Variants in FASN observed in about 807,000 individuals in gnomAD.
FASN encodes fatty acid synthase.
In FASN, 50 loss-of-function variants were observed where a neutral mutation model predicts 250.0. That is an observed-to-expected ratio of 0.20 (90% confidence interval 0.16 to 0.25). The LOEUF (loss-of-function observed/expected upper bound fraction) is 0.25. Among genes scored for constraint, FASN ranks in the 10% least tolerant of loss-of-function variants. The pLI, the probability that FASN is intolerant of heterozygous loss-of-function variation, is 1.00. For synonymous variants in FASN, 1,909 were observed against 1,584.0 expected (o/e 1.21, Z -4.87); for missense variants, 3,031 against 3,498.5 (o/e 0.87, Z 3.37).
In FASN at chr17:82,084,036, G is replaced by A. The variant is rs45616934; in HGVS notation, c.5037C>T (p.Gly1679=). The A allele has an allele frequency of 3.0e-5, 47 of 1,541,254 alleles. No individual in the cohort carries two copies. Among genetic ancestry groups the A allele is most frequent in the African/African-American group, 3.0e-4 (22 of 73,104 alleles). The change falls in exon 29 of 43, where the codon GGC becomes GGT. Residue 1679 remains glycine, a synonymous_variant. Transcript: ENST00000306749. ...ETLLIHSGSG[G]VGQAAIAIAL... is the part of the protein sequence containing the mutation. ...CGATGGCGATGGCGGCCTGGCCCAC[G>A]CCGCCCGAGCCCGAGTGGATGAGCA... is the stretch of plus-strand genomic sequence containing the variant.
chr17:82,081,710 C>G lies in FASN; in HGVS notation c.6297G>C (p.Leu2099=), dbSNP rs1455254433. Residue 2099 remains leucine (L), a synonymous_variant, in exon 37 of 43, where the codon CTG becomes CTC. Coordinates refer to ENST00000306749, the MANE Select transcript of FASN (RefSeq NM_004104.5). The part of the protein sequence containing the change: ...ASCLEVLDLF[L]NQPHMVLSSF... ...TGCTCAGGACCATGTGGGGCTGGTT[C>G]AGGAAGAGGTCCAGCACCTCCAGGC... 13 of 1,612,740 alleles carry G rather than the reference C, an allele frequency of 8.1e-6. No homozygotes were observed. Among genetic ancestry groups the G allele is most frequent in the Non-Finnish European group, 1.1e-5 (13 of 1,180,004 alleles).
intron 11 of FASN, 62 bp downstream of exon 11, chr17:82,090,313 C>A (rs1267854238): frequency 6.7e-7 from 1 of 1,489,784 alleles, no homozygotes. Flanking sequence ...CAGGTGAGGA[C>A]CCCACAGCGA....
chr17:82,085,278 G>A lies in FASN; in HGVS notation c.4247C>T (p.Pro1416Leu), dbSNP rs779790320. ...PTPQDSPIFL[P>L]VDDTSFRWVE... ...CCAGCGGAAGCTGGTATCGTCCACC[G>A]GCAGGAAGATGGGGCTGTCCTGCGG... The change falls in exon 24 of 43, where the codon CCG becomes CTG. Residue 1416 changes from proline (P) to leucine (L), a missense_variant. Transcript: ENST00000306749. The A allele has an allele frequency of 5.0e-6, 8 of 1,611,436 alleles. No individual in the cohort carries two copies. Among genetic ancestry groups the A allele is most frequent in the East Asian group, 4.5e-5 (2 of 44,840 alleles).
chr17:82,080,095 C>A (rs770892859), intron 41 of FASN, 45 bp downstream of exon 41: 1 of 1,582,582 alleles, frequency 6.3e-7, no homozygotes, highest in Non-Finnish European at 8.7e-7. Flanking sequence ...TCCGTTCCTG[C>A]CCAGTACTCT....
In FASN at chr17:82,091,246, G is replaced by A. The variant is rs533081221; in HGVS notation, c.1468C>T (p.Arg490Cys). 3.2e-5 allele frequency: 52 copies of A among 1,600,340 alleles called. No homozygotes were observed. The highest frequency in any genetic ancestry group is 2.7e-4 in the Admixed American group (16 of 59,494). ...PEVQQVPAGE[R>C]PLWFICSGMG... Reference sequence around the variant, plus strand: ...CCAGAGCAGATGAACCAGAGCGGGCGCTCGCCAGCGGGCACCTGCTGCACC... The same window carrying A: ...CCAGAGCAGATGAACCAGAGCGGGCACTCGCCAGCGGGCACCTGCTGCACC... Residue 490 changes from arginine to cysteine, a missense_variant, in exon 9 of 43, where the codon CGC becomes TGC. By Grantham distance (180) the Arg-to-Cys change is radical (BLOSUM62 -3). Coordinates refer to ENST00000306749, the MANE Select transcript of FASN (RefSeq NM_004104.5).
At chr17:82,091,835 G>GA (rs1215078881) in intron 8 of FASN, 151 bp from the exon 9 acceptor site, 2 of 759,360 alleles carry the variant, frequency 2.6e-6, no homozygotes, top group Non-Finnish European at 4.2e-6. Flanking sequence ...TTCTGCCATG[G>GA]CACAGGGGTC....
intron 31 of FASN, 45 bp downstream of exon 31, chr17:82,083,472 C>T: frequency 6.2e-7 from 1 of 1,612,730 alleles, no homozygotes; most frequent in Non-Finnish European, 8.5e-7. Context: ...CAGGTCCACC[C>T]ACACCCATCC....
rs371426064 is a variant in FASN at position 82,086,461 on chromosome 17, C to T, written c.3525G>A (p.Gln1175=). 3.7e-6 allele frequency: 6 copies of T among 1,612,324 alleles called. No individual in the cohort carries two copies. In the African/African-American group the frequency reaches 5.3e-5, roughly 14 times the overall value. ...DGAQIPRDPS[Q]QELPRLLSAA... is the part of the protein sequence containing the mutation. ...CCGACAACAGCCGGGGCAGTTCCTG[C>T]TGTGAGGGGTCCCGGGGGATCTGGG... Residue 1175 remains glutamine, a synonymous_variant, in exon 22 of 43, where the codon CAG becomes CAA. Transcript: ENST00000306749.
chr17:82,090,849 G>GC, intron 10 of FASN, 33 bp downstream of exon 10: 1 of 1,556,328 alleles, frequency 6.4e-7, no homozygotes, highest in Non-Finnish European at 8.7e-7. Flanking sequence ...CCTGGGGCTG[G>GC]CGTTGCTCAC....
intron 31 of FASN, 30 bp from the exon 32 acceptor site, chr17:82,083,455 C>A (rs774256320): frequency 6.2e-7 from 1 of 1,612,680 alleles, no homozygotes; most frequent in Non-Finnish European, 8.5e-7. Flanking sequence ...TCACCCAGGG[C>A]CTTCCACAGG....
At chr17:82,096,539 C>T in intron 1 of FASN, 87 bp from the exon 2 acceptor site, 1 of 1,587,126 alleles carries the variant, frequency 6.3e-7, no homozygotes, top group Non-Finnish European at 8.5e-7. Flanking sequence ...GGTGGACACC[C>T]ATGGGGCCAA....
rs547183499 is a variant in FASN, at chr17:82,092,850, C to T, written c.779-38G>A. 274 of 1,584,428 alleles carry T rather than the reference C, an allele frequency of 1.7e-4. 9 individuals carry two copies. In the South Asian group the frequency reaches 2.8e-3, roughly 16 times the overall value. On this transcript the variant is annotated intron_variant, in intron 6 of 42. Transcript: ENST00000306749. ...CGGCTCAGTGCTGCAGCCCCAGCCC[C>T]GGCTCCCACCTGCCCCCCAGCACCC...
chr17:82,091,821 C>T (rs1346024416), intron 8 of FASN, 137 bp from the exon 9 acceptor site: 2 of 802,962 alleles, frequency 2.5e-6, no homozygotes, highest in East Asian at 2.7e-5. Flanking sequence ...TGTCCCCAAC[C>T]TAATTCTGCC....
In FASN at chr17:82,088,459, A is replaced by G; in HGVS notation, c.2524T>C (p.Trp842Arg). 6.2e-7 allele frequency: 1 copy of G among 1,611,802 alleles called. No homozygotes were observed. The change falls in exon 16 of 43, where the codon TGG becomes CGG. Residue 842 changes from tryptophan to arginine, a missense_variant. Physicochemically the swap from Trp to Arg is moderately radical, Grantham distance 101. Transcript: ENST00000306749. ...PLIKWDHSLA[W>R]DVPAAEDFPN... ...AAGTCCTCGGCGGCCGGCACGTCCC[A>G]GGCCAGGCTGTGGTCCCACTTGATG...
chr17:82,083,133 C>T lies in FASN; in HGVS notation c.5566-18G>A. 10 of 1,610,350 alleles carry T rather than the reference C, an allele frequency of 6.2e-6. No homozygotes were observed. Among genetic ancestry groups the T allele is most frequent in the East Asian group, 2.2e-5 (1 of 44,868 alleles). ...GCAAGCACCTGCGTCCAAGCAGCAC[C>T]CACCGGCTCAGGCACTGCCTGGGGA... is the stretch of plus-strand genomic sequence containing the variant. On this transcript the variant is annotated intron_variant, in intron 32 of 42. Transcript: ENST00000306749.
rs761310825 is a variant in FASN, at chr17:82,088,311, C to A, written c.2594-4G>T. On this transcript the variant is annotated splice_polypyrimidine_tract_variant and splice_region_variant and intron_variant, in intron 16 of 42. Transcript: ENST00000306749. ...TCAGGAGACTCGGAGCTGGTGTCTG[C>A]GGGAGGGCACAGGCCTCAGCACAGA... 2 of 1,607,280 alleles carry A rather than the reference C, an allele frequency of 1.2e-6. No homozygotes were observed. The highest frequency in any genetic ancestry group is 8.5e-7 in the Non-Finnish European group (1 of 1,179,914).
In FASN at chr17:82,083,806, G is replaced by A. The variant is rs140573172; in HGVS notation, c.5184C>T (p.Phe1728=). 152 of 1,609,936 alleles carry A rather than the reference G, an allele frequency of 9.4e-5. No individual in the cohort carries two copies. The Middle Eastern group carries it at 1.5e-3, about 16-fold the overall frequency. The part of the protein sequence containing the change: ...TSFANSRDTS[F]EQHVLWHTGG... ...CCGTGTGCCACAGCACATGCTGCTC[G>A]AAGGATGTGTCCCGGGAGTTGGCGA... Residue 1728 remains phenylalanine (F), a synonymous_variant, in exon 30 of 43, where the codon TTC becomes TTT. Transcript: ENST00000306749.
Position 82,084,786 on chromosome 17 carries a change from G to A in FASN, c.4564+13C>T. The A allele has an allele frequency of 6.5e-7, 1 of 1,550,166 alleles. No individual in the cohort carries two copies. On this transcript the variant is annotated intron_variant, in intron 26 of 42. Transcript: ENST00000306749. ...AGTCTCCCGGGAGGGGCAGGGCAGT[G>A]TCGGGGGCTCACCCTCCTCCAGCAG...
In FASN at chr17:82,083,924, A is replaced by G. The variant is rs111826100; in HGVS notation, c.5099-33T>C. 6,417 of 1,551,626 alleles carry G rather than the reference A, an allele frequency of 4.1e-3. 225 individuals carry two copies. In the African/African-American group the frequency reaches 0.079, roughly 19 times the overall value. On this transcript the variant is annotated intron_variant, in intron 29 of 42. Transcript: ENST00000306749. ...AGAGAGGAAGCGCGGCTGGTGAGCCAGGGCGGCGGGGCCAGGAGGGCAGCG... is the reference window on the plus strand; with the variant it reads ...AGAGAGGAAGCGCGGCTGGTGAGCCGGGGCGGCGGGGCCAGGAGGGCAGCG...
Sources: gnomAD v4.1 joint callset for allele counts on GRCh38, gnomAD v4.1.1 for gene constraint, MANE v1.5 for transcripts, NCBI Gene and HGNC (gene_info 2026-07-23, HGNC 2026-07-21) for gene names.